The following DPP10 variants were observed in gnomAD, a reference collection of about 807,000 sequenced individuals.
DPP10 encodes the protein inactive dipeptidyl peptidase 10.
A neutral mutation model predicts 120.9 loss-of-function variants in DPP10; 33 were observed. That is an observed-to-expected ratio of 0.27 (90% CI 0.21 to 0.37). DPP10 has a LOEUF of 0.37. Ranked by LOEUF, DPP10 falls within the 10% of genes least tolerant of loss-of-function variation. DPP10 has a pLI of 1.00. For missense variants in DPP10, 816 were observed against 942.8 expected (o/e 0.87, Z 1.76); for synonymous variants, 337 against 326.1 (o/e 1.03, Z -0.36).
intron 1 of DPP10, among the ~76,000 whole-genome samples, chr2:115,280,678 G>T (rs1380412094): frequency 6.6e-6 from 1 of 152,184 alleles, no homozygotes; most frequent in African/African-American, 2.4e-5. Context: ...ATTAGCCTTT[G>T]CTGCAAGGTT....
chr2:114,547,350 G>A (rs1687500522), intron 1 of DPP10, among the ~76,000 whole-genome samples: 1 of 152,218 alleles, frequency 6.6e-6, no homozygotes, highest in Non-Finnish European at 1.5e-5. Flanking sequence ...TGCAGGCATG[G>A]GAGGCATCGG....
At chr2:114,823,514 T>TA (rs1453417303) in intron 1 of DPP10, among the ~76,000 whole-genome samples, 1 of 152,206 alleles carries the variant, frequency 6.6e-6, no homozygotes, top group Non-Finnish European at 1.5e-5. Context: ...TGATGCCCTG[T>TA]AACCTTCTGT....
At chr2:115,310,883 C>T (rs1431716612) in intron 2 of DPP10, among the ~76,000 whole-genome samples, 1 of 152,178 alleles carries the variant, frequency 6.6e-6, no homozygotes, top group Non-Finnish European at 1.5e-5. Context: ...CTCTTGAACT[C>T]TTTTTCTTTC....
intron 1 of DPP10, among the ~76,000 whole-genome samples, chr2:114,662,254 C>T (rs1558978734): frequency 1.3e-5 from 2 of 152,208 alleles, no homozygotes; most frequent in Admixed American, 1.3e-4. Flanking sequence ...AGACACGCAA[C>T]CGTGGGAAGA....
At chr2:115,009,669 T>C (rs1702121236) in intron 1 of DPP10, among the ~76,000 whole-genome samples, 1 of 151,992 alleles carries the variant, frequency 6.6e-6, no homozygotes, top group Non-Finnish European at 1.5e-5. Context: ...GAGAAATACC[T>C]AATGTAGATG....
At chr2:114,772,307 A>C (rs1681341553) in intron 1 of DPP10, among the ~76,000 whole-genome samples, 1 of 151,702 alleles carries the variant, frequency 6.6e-6, no homozygotes, top group Admixed American at 6.6e-5. Context: ...ACAGGTATGC[A>C]CCACCATGCC....
At chr2:114,908,252 T>C (rs1422376129) in intron 1 of DPP10, among the ~76,000 whole-genome samples, 1 of 152,006 alleles carries the variant, frequency 6.6e-6, no homozygotes, top group Non-Finnish European at 1.5e-5. Context: ...GGTTCTTATC[T>C]AGTCTAATGA....
chr2:114,701,475 A>G (rs1700380477), intron 1 of DPP10, among the ~76,000 whole-genome samples: 2 of 152,120 alleles, frequency 1.3e-5, no homozygotes, highest in South Asian at 4.1e-4. Flanking sequence ...TGCAAGGCAA[A>G]GCGCTATATA....
At chr2:114,828,034 T>C (rs2106383423) in intron 1 of DPP10, among the ~76,000 whole-genome samples, 1 of 152,384 alleles carries the variant, frequency 6.6e-6, no homozygotes, top group Non-Finnish European at 1.5e-5. Context: ...ATTCATTTTG[T>C]TGTTGTCAGA....
chr2:115,603,072 C>T (rs769001705), intron 5 of DPP10, among the ~76,000 whole-genome samples: 2 of 151,590 alleles, frequency 1.3e-5, no homozygotes, highest in Non-Finnish European at 2.9e-5. Context: ...TCATAGTTCT[C>T]TTTATCCTTG....
At chr2:115,567,612 G>A (rs2149076071) in intron 5 of DPP10, among the ~76,000 whole-genome samples, 1 of 151,510 alleles carries the variant, frequency 6.6e-6, no homozygotes, top group East Asian at 1.9e-4. Flanking sequence ...TAATGGATAA[G>A]CACTTCAATT....
chr2:115,607,600 G>A (rs937349657), intron 5 of DPP10, among the ~76,000 whole-genome samples: 6 of 152,070 alleles, frequency 3.9e-5, no homozygotes, highest in Non-Finnish European at 7.4e-5. Context: ...ATATCCTTTA[G>A]CATTTATTAT....
chr2:114,835,651 G>T (rs1443548621), intron 1 of DPP10: 1 of 152,114 alleles, frequency 6.6e-6, no homozygotes, highest in Non-Finnish European at 1.5e-5. Flanking sequence ...TGTTCTCAGT[G>T]GAGGTCAAGA....
At chr2:115,554,926 T>G (rs1243717152) in intron 5 of DPP10, among the ~76,000 whole-genome samples, 3 of 152,090 alleles carry the variant, frequency 2.0e-5, no homozygotes, top group African/African-American at 7.2e-5. Context: ...AGTTATCTGC[T>G]GATGTCCTTT....
At chr2:115,745,533 C>A (rs1677847237) in intron 9 of DPP10, among the ~76,000 whole-genome samples, 1 of 150,358 alleles carries the variant, frequency 6.7e-6, no homozygotes, top group African/African-American at 2.4e-5. Flanking sequence ...AATGAGTCAC[C>A]CCATTTAGTA....
At chr2:114,877,592 C>T (rs1691259924) in intron 1 of DPP10, among the ~76,000 whole-genome samples, 1 of 152,080 alleles carries the variant, frequency 6.6e-6, no homozygotes, top group African/African-American at 2.4e-5. Flanking sequence ...GAACGGCGGA[C>T]ACACACAATG....
intron 7 of DPP10, among the ~76,000 whole-genome samples, chr2:115,723,609 G>T (rs1575604642): frequency 8.2e-6 from 1 of 121,260 alleles, no homozygotes. Flanking sequence ...TGTTGTTGTT[G>T]TTGTTGTTTT....
chr2:114,922,553 C>A (rs1052800245), intron 1 of DPP10, among the ~76,000 whole-genome samples: 1 of 152,152 alleles, frequency 6.6e-6, no homozygotes, highest in African/African-American at 2.4e-5. Context: ...CTCAAGTGAT[C>A]CACCCGCCTC....
chr2:115,167,382 A>G, intron 1 of DPP10, among the ~76,000 whole-genome samples: 1 of 150,866 alleles, frequency 6.6e-6, no homozygotes. Flanking sequence ...ACGTAATGTG[A>G]CTTTGTCTCT....
Sources: allele counts gnomAD v4.1 joint callset (sites outside exome capture counted in the v4.1 genomes callset), GRCh38; gene constraint gnomAD v4.1.1; transcripts MANE v1.5; gene names NCBI Gene and HGNC (gene_info 2026-07-23, HGNC 2026-07-21).